The following NUMB variants were observed in gnomAD, a reference collection of about 807,000 sequenced individuals.
The protein encoded by NUMB is NUMB endocytic adaptor protein, also known as protein numb homolog.
A neutral mutation model predicts 59.7 loss-of-function variants in NUMB; 29 were observed. That is an observed-to-expected ratio of 0.49 (90% CI 0.36 to 0.66). The LOEUF is 0.66. NUMB is among the 30% of genes least tolerant of loss of function. The pLI, the probability that NUMB is intolerant of heterozygous loss-of-function variation, is 0.00. For synonymous variants in NUMB, 288 were observed against 288.2 expected, an observed-to-expected ratio of 1.00 and a Z score of 0.01; for missense variants, 723 against 822.0, an observed-to-expected ratio of 0.88 and a Z score of 1.47.
intron 2 of NUMB, among the ~76,000 whole-genome samples, chr14:73,371,602 G>T (rs1894675382): frequency 6.6e-6 from 1 of 151,998 alleles, no homozygotes; most frequent in Non-Finnish European, 1.5e-5. Context: ...TGTGTTAATT[G>T]TTACAGGGTG....
intron 5 of NUMB, among the ~76,000 whole-genome samples, chr14:73,317,474 G>C (rs1429757655): frequency 6.6e-6 from 1 of 152,080 alleles, no homozygotes; most frequent in East Asian, 1.9e-4. Flanking sequence ...GCTAATTTTT[G>C]TATTTTTAGT....
intron 7 of NUMB, 97 bp downstream of exon 7, chr14:73,297,114 C>CCGAGA (rs1889828773): frequency 1.3e-6 from 1 of 758,072 alleles, no homozygotes; most frequent in South Asian, 1.6e-5. Flanking sequence ...TTGCGGTGGG[C>CCGAGA]CGAGATCGTG....
At chr14:73,442,872 T>C (rs971689870) in intron 1 of NUMB, among the ~76,000 whole-genome samples, 6 of 152,168 alleles carry the variant, frequency 3.9e-5, no homozygotes, top group African/African-American at 1.4e-4. Flanking sequence ...TACTTTTTTT[T>C]CTTTTTTTGA....
intron 2 of NUMB, among the ~76,000 whole-genome samples, chr14:73,405,742 G>A (rs917683653): frequency 2.6e-5 from 4 of 152,036 alleles, no homozygotes; most frequent in African/African-American, 9.7e-5. Flanking sequence ...TCTCCATCCT[G>A]TGGAGCCGTG....
At chr14:73,289,513 T>C (rs1460435177) in intron 8 of NUMB, among the ~76,000 whole-genome samples, 1 of 152,140 alleles carries the variant, frequency 6.6e-6, no homozygotes, top group African/African-American at 2.4e-5. Context: ...GTTCTCAAAA[T>C]CACATCACGT....
chr14:73,345,378 A>G (rs1892856717), intron 4 of NUMB, among the ~76,000 whole-genome samples: 1 of 152,172 alleles, frequency 6.6e-6, no homozygotes, highest in Admixed American at 6.5e-5. Flanking sequence ...AAAACTACCT[A>G]TCAGGTACCA....
At chr14:73,442,192 A>G (rs190721254) in intron 1 of NUMB, among the ~76,000 whole-genome samples, 30 of 148,070 alleles carry the variant, frequency 2.0e-4, no homozygotes, top group African/African-American at 6.2e-4. Flanking sequence ...TCTCTGTAAG[A>G]AAAAAAAAAG....
chr14:73,432,155 C>T (rs1420117630), intron 1 of NUMB, among the ~76,000 whole-genome samples: 1 of 151,814 alleles, frequency 6.6e-6, no homozygotes, highest in Non-Finnish European at 1.5e-5. Context: ...ATAAGCAGTA[C>T]GATAGTACTA....
rs781421742 is a variant in NUMB at position 73,287,104 on chromosome 14, T to A, written c.655+6A>T. ...CCATAAATACACACTGTAGAACAGA[T>A]TGTACCTTTCTTGGCATCTTGCATT... On this transcript the variant is annotated splice_donor_region_variant and intron_variant, in intron 9 of 12. Coordinates refer to ENST00000555238, the MANE Select transcript of NUMB (RefSeq NM_001005743.2). The A allele has an allele frequency of 1.2e-6, 2 of 1,612,202 alleles. No homozygotes were observed. Among genetic ancestry groups the A allele is most frequent in the Admixed American group, 3.3e-5 (2 of 59,978 alleles).
chr14:73,437,490 C>A (rs1478147753), intron 1 of NUMB, among the ~76,000 whole-genome samples: 1 of 152,130 alleles, frequency 6.6e-6, no homozygotes, highest in Non-Finnish European at 1.5e-5. Context: ...AAACTGAATA[C>A]TGTAATCAAC....
At chr14:73,442,592 T>C (rs945134861) in intron 1 of NUMB, among the ~76,000 whole-genome samples, 1 of 152,070 alleles carries the variant, frequency 6.6e-6, no homozygotes, top group Non-Finnish European at 1.5e-5. Context: ...TAATGAAATA[T>C]TGATACACAA....
intron 1 of NUMB, among the ~76,000 whole-genome samples, chr14:73,421,185 T>G (rs952775834): frequency 3.3e-5 from 5 of 151,954 alleles, no homozygotes; most frequent in African/African-American, 9.7e-5. Context: ...TGTTTTTGTT[T>G]GTTTGTTTGT....
intron 6 of NUMB, among the ~76,000 whole-genome samples, chr14:73,304,881 C>A: frequency 6.6e-6 from 1 of 152,094 alleles, no homozygotes; most frequent in Non-Finnish European, 1.5e-5. Context: ...CTGCCTCAGC[C>A]TCTCAAATGG....
intron 6 of NUMB, 67 bp downstream of exon 6, chr14:73,316,323 A>G: frequency 7.3e-6 from 10 of 1,376,302 alleles, no homozygotes; most frequent in Non-Finnish European, 1.0e-5. Flanking sequence ...GTTTTAAAAA[A>G]TATGTCAGTG....
rs765768042 is a variant in NUMB at position 73,276,990 on chromosome 14, T to C, written c.1544A>G (p.Asn515Ser). ...FVPAQSYPVA[N>S]GMPYPAPNVP... ...ATTAGGGGCTGGATAGGGCATTCCA[T>C]TGGCCACAGGATAGGACTGGGCAGG... is the stretch of plus-strand genomic sequence containing the variant. Residue 515 changes from asparagine to serine, a missense_variant, in exon 13 of 13, where the codon AAT (asparagine) becomes AGT (serine). By Grantham distance (46) the Asn-to-Ser change is conservative. Coordinates refer to ENST00000555238, the MANE Select transcript of NUMB (RefSeq NM_001005743.2). 6.8e-6 allele frequency: 11 copies of C among 1,613,996 alleles called. No homozygotes were observed. The East Asian group carries it at 1.3e-4, about 20-fold the overall frequency.
chr14:73,443,398 C>T (rs578111437), intron 1 of NUMB, among the ~76,000 whole-genome samples: 2 of 151,838 alleles, frequency 1.3e-5, no homozygotes, highest in South Asian at 2.1e-4. Flanking sequence ...GAGTTCCAGA[C>T]CAGCCTGGCC....
At chr14:73,391,738 T>C (rs778050497) in intron 2 of NUMB, among the ~76,000 whole-genome samples, 23 of 152,222 alleles carry the variant, frequency 1.5e-4, no homozygotes, top group Non-Finnish European at 2.5e-4. Context: ...GAACTATTTA[T>C]ATAGGTAATT....
chr14:73,349,309 C>T (rs190633771), intron 4 of NUMB, among the ~76,000 whole-genome samples: 1 of 152,102 alleles, frequency 6.6e-6, no homozygotes, highest in East Asian at 1.9e-4. Context: ...AAAATTAGGC[C>T]GGGCACAGTG....
intron 11 of NUMB, chr14:73,281,524 T>C (rs1352057090): frequency 1.3e-5 from 2 of 152,240 alleles, no homozygotes; most frequent in Non-Finnish European, 2.9e-5. Context: ...GGAGTAAAAC[T>C]TCCGCTGAGC....
Sources: allele counts gnomAD v4.1 joint callset (sites outside exome capture counted in the v4.1 genomes callset), GRCh38; gene constraint gnomAD v4.1.1; transcripts MANE v1.5; gene names NCBI Gene and HGNC (gene_info 2026-07-23, HGNC 2026-07-21).